MYO15A: variants seen among roughly 807,000 people sequenced by gnomAD.
The protein encoded by MYO15A is myosin XVA, also known as unconventional myosin-XV.
Under a neutral mutation model 394.6 loss-of-function variants are expected in MYO15A, and 308 were observed. That is an observed-to-expected ratio of 0.78 (90% CI 0.71 to 0.86). The LOEUF (loss-of-function observed/expected upper bound fraction) is 0.86. Among genes scored for constraint, MYO15A ranks in the 40% least tolerant of loss-of-function variants. The probability of loss-of-function intolerance (pLI) is 0.00; values close to 1 mark genes in which losing one functional copy is unlikely to be tolerated. For missense variants in MYO15A, 4,606 were observed against 4,799.1 expected (o/e 0.96, Z 1.19); for synonymous variants, 1,957 against 2,003.8 (o/e 0.98, Z 0.62).
intron 29 of MYO15A, 52 bp downstream of exon 29, chr17:18,144,644 A>AGTTT: frequency 1.3e-6 from 2 of 1,566,092 alleles, no homozygotes; most frequent in Non-Finnish European, 8.7e-7. Context: ...TGGCCCTGAA[A>AGTTT]CTGGGCCATG....
chr17:18,125,332 C>G (rs2046014109), intron 4 of MYO15A, 101 bp downstream of exon 4: 3 of 1,132,790 alleles, frequency 2.6e-6, no homozygotes, highest in Non-Finnish European at 1.3e-6. Flanking sequence ...GCCCTAGCCC[C>G]TGTGGCCTCT....
intron 2 of MYO15A, 195 bp downstream of exon 2, chr17:18,122,604 C>A: frequency 1.3e-6 from 1 of 783,296 alleles, no homozygotes; most frequent in Non-Finnish European, 2.0e-6. Flanking sequence ...GGATGCCCAG[C>A]ACAGGCAGGC....
chr17:18,122,456 G>C, intron 2 of MYO15A, 47 bp downstream of exon 2: 1 of 1,585,758 alleles, frequency 6.3e-7, no homozygotes. Flanking sequence ...TCTGGCCTAG[G>C]AAACAGGGCA....
intron 1 of MYO15A, among the ~76,000 whole-genome samples, chr17:18,116,949 A>G (rs1287772214): frequency 6.7e-6 from 1 of 150,290 alleles, no homozygotes; most frequent in Non-Finnish European, 1.5e-5. Flanking sequence ...AAGAAAGAAC[A>G]TTGCCCCTGT....
Position 18,159,960 on chromosome 17 carries a change from G to A in MYO15A, c.9329G>A (p.Arg3110Gln), listed in dbSNP as rs199900657. Reference protein sequence around the residue: ...LKLCGDHEVMRDECYCQVVKQ... With the variant: ...LKLCGDHEVMQDECYCQVVKQ... ...CTGTGCGGGGACCATGAGGTCATGC[G>A]GGATGAATGTTACTGCCAAGTTGTG... Residue 3110 changes from arginine to glutamine, a missense_variant, in exon 56 of 66, where the codon CGG (arginine) becomes CAG (glutamine). Physicochemically the swap from Arg to Gln is conservative, Grantham distance 43 (BLOSUM62 1). This residue lies in a region of MYO15A where 2,776 missense variants were observed against 3,109.3 expected (regional missense o/e 0.89). Coordinates refer to ENST00000647165, the MANE Select transcript of MYO15A (RefSeq NM_016239.4). The A allele has an allele frequency of 5.6e-5, 91 of 1,613,916 alleles. No homozygotes were observed. The highest frequency in any genetic ancestry group is 1.1e-4 in the African/African-American group (8 of 74,890).
At position 18,121,963 on chromosome 17, in the gene MYO15A, A is replaced by C; in HGVS notation, c.3163A>C (p.Lys1055Gln). The C allele has an allele frequency of 6.2e-7, 1 of 1,612,494 alleles. No individual in the cohort carries two copies. Among genetic ancestry groups the C allele is most frequent in the Non-Finnish European group, 8.5e-7 (1 of 1,179,958 alleles). ...CCCCAAGGATGTCCTCCCAGAGCAA[A>C]AGACATTAAGGCCCAGCCTCTCATA... ...TPPKDVLPEQ[K>Q]TLRPSLSYPL... Residue 1055 changes from lysine (K) to glutamine (Q), a missense_variant, in exon 2 of 66, where the codon AAG becomes CAG. This residue lies in a region of MYO15A where 1,830 missense variants were observed against 1,689.7 expected (regional missense o/e 1.08). Coordinates refer to ENST00000647165, the MANE Select transcript of MYO15A (RefSeq NM_016239.4). This position sits in a 1 kb window ranked among gnomAD's most constrained non-coding sequence, Gnocchi z 5.3.
At chr17:18,170,034 C>A in intron 62 of MYO15A, among the ~76,000 whole-genome samples, 1 of 144,902 alleles carries the variant, frequency 6.9e-6, no homozygotes, top group African/African-American at 2.6e-5. Flanking sequence ...AAGCTCTGTA[C>A]TTTTACATTT....
chr17:18,113,258 C>T (rs1423514824), intron 1 of MYO15A, among the ~76,000 whole-genome samples: 2 of 152,100 alleles, frequency 1.3e-5, no homozygotes, highest in East Asian at 1.9e-4. Flanking sequence ...CTCAAGCGAT[C>T]CTCCCACTTC....
intron 50 of MYO15A, 37 bp from the exon 51 acceptor site, chr17:18,157,684 AC>A: frequency 6.2e-7 from 1 of 1,602,056 alleles, no homozygotes; most frequent in Non-Finnish European, 8.5e-7. Context: ...ACAAGACAAG[AC>A]CCTCCTGTTT....
chr17:18,141,544 C>T (rs964401925), intron 22 of MYO15A, 109 bp from the exon 23 acceptor site: 2 of 1,029,564 alleles, frequency 1.9e-6, no homozygotes, highest in African/African-American at 1.6e-5. Flanking sequence ...GTGGAGCCAC[C>T]ACTGGGACCA....
intron 2 of MYO15A, chr17:18,124,258 A>C (rs2142270758): frequency 1.6e-6 from 1 of 611,008 alleles, no homozygotes; most frequent in East Asian, 2.9e-5. Context: ...AGCTCATGGG[A>C]GGGCCTGCCT....
chr17:18,152,620 A>C (rs1456113029), intron 42 of MYO15A, among the ~76,000 whole-genome samples: 2 of 9,074 alleles, frequency 2.2e-4, no homozygotes, highest in African/African-American at 2.5e-3. Flanking sequence ...TGCCCCTGAT[A>C]AAAAACCCTC....
chr17:18,171,872 AT>A, intron 63 of MYO15A, 101 bp downstream of exon 63: 1 of 1,495,000 alleles, frequency 6.7e-7, no homozygotes, highest in Non-Finnish European at 8.9e-7. Context: ...GCACAAAGGC[AT>A]TTTTCAGTGC....
chr17:18,146,187 A>C, intron 30 of MYO15A, 80 bp downstream of exon 30: 1 of 1,418,078 alleles, frequency 7.1e-7, no homozygotes, highest in Non-Finnish European at 9.8e-7. Flanking sequence ...CTTAAAGGTC[A>C]GGCCAGGAGT....
rs371576029 is a variant in MYO15A at position 18,122,076 on chromosome 17, G to A, written c.3276G>A (p.Ala1092=). 4.8e-5 allele frequency: 78 copies of A among 1,612,696 alleles called. No homozygotes were observed. Among genetic ancestry groups the A allele is most frequent in the Admixed American group, 2.8e-4 (17 of 59,994 alleles). The change falls in exon 2 of 66, where the codon GCG becomes GCA. Residue 1092 remains alanine, a synonymous_variant. Coordinates refer to ENST00000647165, the MANE Select transcript of MYO15A (RefSeq NM_016239.4). The part of the protein sequence containing the change: ...GTLPQAAAPL[A]PIRAPEPLPK... ...TGCCCCAAGCCGCAGCCCCCTTGGC[G>A]CCCATCAGGGCCCCAGAGCCCCTGC...
chr17:18,136,595 T>C lies in MYO15A; in HGVS notation c.4688T>C (p.Leu1563Pro). The C allele has an allele frequency of 6.2e-7, 1 of 1,614,034 alleles. No individual in the cohort carries two copies. The highest frequency in any genetic ancestry group is 8.5e-7 in the Non-Finnish European group (1 of 1,180,030). Residue 1563 changes from leucine to proline, a missense_variant, in exon 15 of 66, where the codon CTG (leucine) becomes CCG (proline). This residue lies in a region of MYO15A where 2,776 missense variants were observed against 3,109.3 expected (regional missense o/e 0.89). Transcript: ENST00000647165. ...ATCGCCAAGGTCTTGTATGCACTGC[T>C]GTTCAGCTGGCTCATCACCAGGGTC... ...DAIAKVLYAL[L>P]FSWLITRVNA...
chr17:18,125,316 T>A, intron 4 of MYO15A, 85 bp downstream of exon 4: 2 of 1,323,630 alleles, frequency 1.5e-6, no homozygotes, highest in African/African-American at 1.4e-5. Context: ...CAGATTTCTC[T>A]TGTGGGCCCT....
At chr17:18,124,199 C>T (rs1484289924) in intron 2 of MYO15A, 1 of 486,020 alleles carries the variant, frequency 2.1e-6, no homozygotes, top group Non-Finnish European at 3.8e-6. Context: ...CCCATGCGCC[C>T]ATGTACCTGC....
chr17:18,121,019 G>C lies in MYO15A; in HGVS notation c.2219G>C (p.Gly740Ala). ...EVPPDLLAFPGPRPSFRGSRR... is the reference protein window; with the variant it reads ...EVPPDLLAFPAPRPSFRGSRR... ...CCCCCCGACCTACTAGCCTTCCCAG[G>C]GCCCCGACCCTCGTTCAGGGGCTCC... Residue 740 changes from glycine to alanine, a missense_variant, in exon 2 of 66, where the codon GGG (glycine) becomes GCG (alanine). Transcript: ENST00000647165. The surrounding 1 kb of genome is among the most constrained non-coding windows in gnomAD (Gnocchi z 5.3). 6.6e-7 allele frequency: 1 copy of C among 1,508,678 alleles called. No individual in the cohort carries two copies. Among genetic ancestry groups the C allele is most frequent in the South Asian group, 1.2e-5 (1 of 81,318 alleles). 93.5% of individuals were successfully genotyped at this position (1,508,678 alleles called of 1,614,324 possible). A position where few individuals can be genotyped will look rare whatever the true frequency, so the allele number is the denominator to read the frequency against.
Sources: allele counts gnomAD v4.1 joint callset (sites outside exome capture counted in the v4.1 genomes callset), GRCh38; gene constraint gnomAD v4.1.1; regional missense constraint gnomAD v4.1.1; non-coding constraint Gnocchi (gnomAD v3.1); transcripts MANE v1.5; gene names NCBI Gene and HGNC (gene_info 2026-07-23, HGNC 2026-07-21).